The following CTNNA3 variants were observed in gnomAD, a reference collection of about 807,000 sequenced individuals.
CTNNA3 encodes the protein catenin alpha 3, also known as catenin alpha-3.
In CTNNA3, 76 loss-of-function variants were observed where a neutral mutation model predicts 95.7. The observed-to-expected ratio is 0.79, with a 90% confidence interval of 0.66 to 0.96. The LOEUF (loss-of-function observed/expected upper bound fraction) is 0.96, where lower values mean the gene tolerates loss of function less well. CTNNA3 is among the 40% of genes least tolerant of loss of function. The pLI is 0.00. For missense variants in CTNNA3, 1,191 were observed against 1,089.8 expected, an observed-to-expected ratio of 1.09 and a Z score of -1.31; for synonymous variants, 431 against 374.4, an observed-to-expected ratio of 1.15 and a Z score of -1.74.
At chr10:65,974,262 A>C (rs1201674897) in intron 16 of CTNNA3, among the ~76,000 whole-genome samples, 1 of 152,206 alleles carries the variant, frequency 6.6e-6, no homozygotes, top group East Asian at 1.9e-4. Flanking sequence ...AAGAAAATAA[A>C]TTGTTCTACC....
At chr10:66,067,224 T>C (rs971193891) in intron 15 of CTNNA3, among the ~76,000 whole-genome samples, 2 of 152,194 alleles carry the variant, frequency 1.3e-5, no homozygotes, top group Admixed American at 1.3e-4. Context: ...CATCTCTCTG[T>C]GTAATTGTAC....
chr10:66,254,260 A>G (rs182016225), intron 13 of CTNNA3, among the ~76,000 whole-genome samples: 23 of 152,292 alleles, frequency 1.5e-4, no homozygotes, highest in South Asian at 1.2e-3. Context: ...TGACTTCCCT[A>G]TTATCAAAAG....
intron 13 of CTNNA3, among the ~76,000 whole-genome samples, chr10:66,115,392 T>G (rs1243360740): frequency 6.6e-6 from 1 of 152,148 alleles, no homozygotes; most frequent in Non-Finnish European, 1.5e-5. Flanking sequence ...AAGCTGTTAC[T>G]TCATTATTTT....
At chr10:66,861,527 C>T (rs1430246832) in intron 7 of CTNNA3, among the ~76,000 whole-genome samples, 1 of 152,106 alleles carries the variant, frequency 6.6e-6, no homozygotes, top group Non-Finnish European at 1.5e-5. Flanking sequence ...ACACTCCAGC[C>T]ATCTCAGACC....
chr10:66,709,995 A>T (rs1354195912), intron 9 of CTNNA3, among the ~76,000 whole-genome samples: 3 of 152,222 alleles, frequency 2.0e-5, no homozygotes, highest in Non-Finnish European at 4.4e-5. Context: ...AAATACTCAT[A>T]AAAATAAATT....
At chr10:66,638,621 C>CT (rs971018120) in intron 9 of CTNNA3, among the ~76,000 whole-genome samples, 2 of 152,094 alleles carry the variant, frequency 1.3e-5, no homozygotes, top group Admixed American at 6.6e-5. Flanking sequence ...TCCACATCCT[C>CT]TTTTTTCAAG....
chr10:67,054,811 T>C (rs993511090), intron 7 of CTNNA3: 4 of 152,150 alleles, frequency 2.6e-5, no homozygotes, highest in African/African-American at 9.7e-5. Flanking sequence ...ACCCAAACTG[T>C]TCACCAATAC....
chr10:65,925,447 T>A (rs906506128), intron 17 of CTNNA3, among the ~76,000 whole-genome samples: 1 of 152,000 alleles, frequency 6.6e-6, no homozygotes, highest in African/African-American at 2.4e-5. Context: ...ATATCTTTTC[T>A]TTTTTTTGAG....
intron 5 of CTNNA3, among the ~76,000 whole-genome samples, chr10:67,311,263 G>T (rs1197573347): frequency 1.3e-5 from 2 of 152,126 alleles, no homozygotes; most frequent in Admixed American, 1.3e-4. Flanking sequence ...GAAGCAAGAG[G>T]AGTGAGGGGT....
intron 7 of CTNNA3, among the ~76,000 whole-genome samples, chr10:66,987,543 T>G (rs1850801421): frequency 6.6e-6 from 1 of 152,176 alleles, no homozygotes; most frequent in Non-Finnish European, 1.5e-5. Context: ...AAAGAGAGGC[T>G]CATCCAGTTG....
chr10:66,354,747 G>T (rs1021063989), intron 12 of CTNNA3, among the ~76,000 whole-genome samples: 28 of 152,018 alleles, frequency 1.8e-4, no homozygotes, highest in African/African-American at 6.8e-4. Context: ...CTCTAAGTCT[G>T]TCACTGTGGG....
chr10:67,347,101 T>A (rs1384832882), intron 5 of CTNNA3, among the ~76,000 whole-genome samples: 1 of 151,568 alleles, frequency 6.6e-6, no homozygotes, highest in East Asian at 1.9e-4. Flanking sequence ...TCATTCTGTC[T>A]CCCAGGCTAG....
chr10:67,610,386 G>A (rs953199078), intron 2 of CTNNA3, among the ~76,000 whole-genome samples: 6 of 152,154 alleles, frequency 3.9e-5, no homozygotes, highest in Non-Finnish European at 7.3e-5. Flanking sequence ...TTGTACCTAC[G>A]TCTTCTTTTA....
At chr10:67,389,304 C>G (rs61866923) in intron 5 of CTNNA3, among the ~76,000 whole-genome samples, 63 of 151,074 alleles carry the variant, frequency 4.2e-4, no homozygotes, top group African/African-American at 1.2e-3. Context: ...AAGATCAAAA[C>G]AGACAAAGAA....
intron 10 of CTNNA3, among the ~76,000 whole-genome samples, chr10:66,522,296 T>C (rs1841094510): frequency 6.6e-6 from 1 of 152,128 alleles, no homozygotes; most frequent in African/African-American, 2.4e-5. Flanking sequence ...ATGATGTTTG[T>C]TCTTCAATTT....
chr10:66,606,866 T>C (rs1844142385), intron 10 of CTNNA3, among the ~76,000 whole-genome samples: 1 of 151,580 alleles, frequency 6.6e-6, no homozygotes, highest in Non-Finnish European at 1.5e-5. Context: ...CTAAAAGAAG[T>C]AGGGAACCAA....
At chr10:67,267,264 C>G (rs778473223) in intron 5 of CTNNA3, among the ~76,000 whole-genome samples, 25 of 152,296 alleles carry the variant, frequency 1.6e-4, no homozygotes, top group Middle Eastern at 3.4e-3. Flanking sequence ...AGCATAATCA[C>G]TTCATACTGG....
At position 67,566,041 on chromosome 10, in the gene CTNNA3, G is replaced by GTATACA. The variant is rs1388066358; in HGVS notation, c.293-26373_293-26372insTGTATA. ...AACACACACACACACATATGTGTGT[G>GTATACA]TGTATATATATATATATATATATAT... On this transcript the variant is annotated intron_variant, in intron 3 of 17. Coordinates refer to ENST00000433211, the MANE Select transcript of CTNNA3 (RefSeq NM_013266.4). 6.8e-5 allele frequency among the ~76,000 whole-genome samples: 2 copies of GTATACA among 29,434 alleles called. 1 individual carries two copies. The highest frequency in any genetic ancestry group is 2.7e-4 in the African/African-American group (2 of 7,346). 19.3% of individuals were successfully genotyped at this position (29,434 alleles called of 152,430 possible).
At chr10:66,297,761 T>G (rs2091802066) in intron 12 of CTNNA3, among the ~76,000 whole-genome samples, 1 of 152,186 alleles carries the variant, frequency 6.6e-6, no homozygotes, top group South Asian at 2.1e-4. Context: ...AGATAACCAC[T>G]TAGTGAAACA....
Sources: allele counts gnomAD v4.1 joint callset (sites outside exome capture counted in the v4.1 genomes callset), GRCh38; gene constraint gnomAD v4.1.1; transcripts MANE v1.5; gene names NCBI Gene and HGNC (gene_info 2026-07-23, HGNC 2026-07-21).